The following ETV5 variants were observed in gnomAD, a reference collection of about 807,000 sequenced individuals.
ETV5 encodes the protein ETS translocation variant 5.
In ETV5, 10 loss-of-function variants were observed where a neutral mutation model predicts 70.0. The observed-to-expected ratio is 0.14, with a 90% CI of 0.09 to 0.24. The LOEUF (loss-of-function observed/expected upper bound fraction) is 0.24, where lower values mean the gene tolerates loss of function less well. Ranked by LOEUF, ETV5 falls within the 10% of genes least tolerant of loss-of-function variation. The pLI is 1.00. For synonymous variants in ETV5, 216 were observed against 242.2 expected (o/e 0.89, Z 1.01); for missense variants, 453 against 651.2 (o/e 0.70, Z 3.31).
At chr3:186,080,892 G>T in intron 6 of ETV5, 154 bp downstream of exon 6, 1 of 858,718 alleles carries the variant, frequency 1.2e-6, no homozygotes, top group Non-Finnish European at 1.8e-6. Flanking sequence ...CAAGGGGACT[G>T]GACTACACCC....
At position 186,046,784 on chromosome 3, in the gene ETV5, G is replaced by GTA; in HGVS notation, c.*1853_*1854dup. ...AGCTGGGGGTAAAATATGCATCTATGTATAGACTATGTGTAGGTTAAGAAA... is the reference window on the plus strand; with the variant it reads ...AGCTGGGGGTAAAATATGCATCTATGTATATAGACTATGTGTAGGTTAAGAAA... On this transcript the variant is annotated 3_prime_UTR_variant, in exon 13 of 13. Coordinates refer to ENST00000306376, the MANE Select transcript of ETV5 (RefSeq NM_004454.3). The GTA allele has an allele frequency of 4.3e-6, 1 of 231,582 alleles. No individual in the cohort carries two copies. Among genetic ancestry groups the GTA allele is most frequent in the Non-Finnish European group, 8.6e-6 (1 of 116,760 alleles). The allele number at this position is 231,582 out of a possible 1,614,324, so 14.3% of individuals were successfully genotyped here.
chr3:186,068,842 G>A (rs892048178), intron 7 of ETV5, among the ~76,000 whole-genome samples: 1 of 152,152 alleles, frequency 6.6e-6, no homozygotes, highest in Non-Finnish European at 1.5e-5. Flanking sequence ...CAGACAGGAA[G>A]CACTAATCTA....
chr3:186,103,327 T>C (rs1157416997), intron 5 of ETV5, among the ~76,000 whole-genome samples: 1 of 152,184 alleles, frequency 6.6e-6, no homozygotes, highest in Non-Finnish European at 1.5e-5. Context: ...TTTAGCCTAT[T>C]CCCACAGATA....
chr3:186,106,662 A>G (rs895326772), intron 1 of ETV5, among the ~76,000 whole-genome samples: 4 of 152,210 alleles, frequency 2.6e-5, no homozygotes, highest in African/African-American at 9.6e-5. Flanking sequence ...TGCATGTGGT[A>G]CAATGCATCT....
intron 5 of ETV5, among the ~76,000 whole-genome samples, chr3:186,089,399 A>G (rs1034468465): frequency 4.6e-5 from 7 of 152,252 alleles, no homozygotes; most frequent in South Asian, 4.1e-4. Flanking sequence ...CAAATTTAAT[A>G]GGTGAAAAAT....
rs767440333 is a variant in ETV5, at chr3:186,105,580, C to T, written c.133+45G>A. Reference sequence around the variant, plus strand: ...GGGAAGAATCTACACGCTACTGTCACTGGGAGCAGGGAAGCCACAACATAA... The same window carrying T: ...GGGAAGAATCTACACGCTACTGTCATTGGGAGCAGGGAAGCCACAACATAA... On this transcript the variant is annotated intron_variant, in intron 3 of 12. Coordinates refer to ENST00000306376, the MANE Select transcript of ETV5 (RefSeq NM_004454.3). This position sits in a 1 kb window ranked among gnomAD's most constrained non-coding sequence, Gnocchi z 4.5. The T allele has an allele frequency of 6.8e-6, 11 of 1,612,612 alleles. No homozygotes were observed. The highest frequency in any genetic ancestry group is 5.5e-5 in the South Asian group (5 of 91,064).
At position 186,105,296 on chromosome 3, in the gene ETV5, G is replaced by T. The variant is rs367682112; in HGVS notation, c.232+9C>A. 14 of 1,608,048 alleles carry T rather than the reference G, an allele frequency of 8.7e-6. No homozygotes were observed. The African/African-American group carries it at 1.7e-4, about 20-fold the overall frequency. On this transcript the variant is annotated intron_variant, in intron 5 of 12. Transcript: ENST00000306376. The surrounding 1 kb of genome is among the most constrained non-coding windows in gnomAD (Gnocchi z 4.5). ...AGAACAAATGTGCCATCACCAGAAA[G>T]GTACTTACGGTTATCAGACTGAAAA...
intron 5 of ETV5, among the ~76,000 whole-genome samples, chr3:186,089,930 A>G (rs937183163): frequency 2.0e-5 from 3 of 152,246 alleles, no homozygotes; most frequent in Non-Finnish European, 2.9e-5. Context: ...GAGAATGTCA[A>G]TCTGTGGAGA....
chr3:186,089,941 C>T (rs912500792), intron 5 of ETV5, among the ~76,000 whole-genome samples: 27 of 152,144 alleles, frequency 1.8e-4, no homozygotes, highest in Non-Finnish European at 3.5e-4. Context: ...TCTGTGGAGA[C>T]GCACACCAGG....
In ETV5 at chr3:186,063,943, C is replaced by CT. The variant is rs1227554427; in HGVS notation, c.970+473dup. Among the ~76,000 whole-genome samples, 4 of 152,178 alleles carry CT rather than the reference C, an allele frequency of 2.6e-5. No homozygotes were observed. The East Asian group carries it at 7.7e-4, about 29-fold the overall frequency. On this transcript the variant is annotated intron_variant, in intron 9 of 12. Transcript: ENST00000306376. Reference sequence around the variant, plus strand: ...AACCTAGAGACACATTTTTAAAACTCTAAGACATCCTTGGACCCTCACTGA... The same window carrying CT: ...AACCTAGAGACACATTTTTAAAACTCTTAAGACATCCTTGGACCCTCACTGA...
rs749666652 is a variant in ETV5, at chr3:186,081,113, G to A, written c.295C>T (p.Leu99=). Residue 99 remains leucine (L), a synonymous_variant, in exon 6 of 13, where the codon CTG becomes TTG. Transcript: ENST00000306376. ...KRELHSPSSE[L]SSCSHEQALG... is the part of the protein sequence containing the mutation. ...GCCTGCTCATGGCTACAAGACGACA[G>A]CTCAGAGGAGGGGCTGTGCAGCTCC... 5.6e-6 allele frequency: 9 copies of A among 1,613,744 alleles called. No homozygotes were observed. Among genetic ancestry groups the A allele is most frequent in the Non-Finnish European group, 7.6e-6 (9 of 1,179,834 alleles).
intron 1 of ETV5, among the ~76,000 whole-genome samples, chr3:186,108,033 G>C (rs1385469452): frequency 6.7e-6 from 1 of 149,570 alleles, no homozygotes; most frequent in African/African-American, 2.5e-5. Context: ...GGAGCAGCGA[G>C]CCAACGAAAG....
At chr3:186,106,041 A>G in intron 1 of ETV5, 99 bp from the exon 2 acceptor site, 2 of 821,336 alleles carry the variant, frequency 2.4e-6, no homozygotes. Flanking sequence ...CAAAATTATT[A>G]CCCTTCTGTG....
intron 5 of ETV5, among the ~76,000 whole-genome samples, chr3:186,096,839 G>A (rs1714314452): frequency 6.6e-6 from 1 of 152,150 alleles, no homozygotes; most frequent in Admixed American, 6.5e-5. Flanking sequence ...CTGGACGTGT[G>A]TCTGTGAGCT....
chr3:186,084,752 C>T (rs1456453924), intron 5 of ETV5, among the ~76,000 whole-genome samples: 4 of 152,132 alleles, frequency 2.6e-5, no homozygotes, highest in Non-Finnish European at 5.9e-5. Flanking sequence ...CAAGGGCCTC[C>T]GCACTGTCAT....
Position 186,046,983 on chromosome 3 carries a change from G to A in ETV5, c.*1656C>T. The A allele has an allele frequency of 4.4e-6, 1 of 229,584 alleles. No individual in the cohort carries two copies. Among genetic ancestry groups the A allele is most frequent in the Non-Finnish European group, 8.7e-6 (1 of 115,464 alleles). 14.2% of individuals were successfully genotyped at this position (229,584 alleles called of 1,614,324 possible). ...CTGCGAACCTCTTCACAAATGTGCT[G>A]TTGGTCATAAGGGGGACAGTTTGAG... On this transcript the variant is annotated 3_prime_UTR_variant, in exon 13 of 13. Transcript: ENST00000306376.
chr3:186,108,504 G>T, intron 1 of ETV5: 1 of 1,286,736 alleles, frequency 7.8e-7, no homozygotes, highest in Non-Finnish European at 1.0e-6. Flanking sequence ...GCGCCTCTCA[G>T]ACATTCCCCT....
intron 11 of ETV5, among the ~76,000 whole-genome samples, chr3:186,056,539 C>T (rs969605111): frequency 3.3e-5 from 5 of 151,992 alleles, no homozygotes; most frequent in Admixed American, 1.3e-4. Flanking sequence ...TGAGCCACTG[C>T]ACCCGGCCAT....
Position 186,046,541 on chromosome 3 carries a change from G to A in ETV5, c.*2098C>T, listed in dbSNP as rs894963403. 3.9e-5 allele frequency: 9 copies of A among 232,118 alleles called. No homozygotes were observed. The highest frequency in any genetic ancestry group is 1.3e-3 in the Middle Eastern group (1 of 780). 14.4% of individuals were successfully genotyped at this position (232,118 alleles called of 1,614,324 possible). A position where few individuals can be genotyped will look rare whatever the true frequency, so the allele number is the denominator to read the frequency against. On this transcript the variant is annotated 3_prime_UTR_variant, in exon 13 of 13. Transcript: ENST00000306376. ...CATCCGGGAGGTGCATGAGTCCAAT[G>A]GGAATGCAACCGTGATGCCGCTGTC... is the stretch of plus-strand genomic sequence containing the variant.
Sources: allele counts gnomAD v4.1 joint callset (sites outside exome capture counted in the v4.1 genomes callset), GRCh38; gene constraint gnomAD v4.1.1; non-coding constraint Gnocchi (gnomAD v3.1); transcripts MANE v1.5; gene names NCBI Gene and HGNC (gene_info 2026-07-23, HGNC 2026-07-21).